The following SNAP25 variants were observed in gnomAD, a reference collection of about 807,000 sequenced individuals.
SNAP25 encodes the protein synaptosome associated protein 25.
SNAP25 carries 3 observed loss-of-function variants against 28.7 expected under a neutral mutation model. The observed-to-expected ratio is 0.10, with a 90% CI of 0.05 to 0.27. SNAP25 has a LOEUF of 0.27. SNAP25 is among the 10% of genes least tolerant of loss of function. SNAP25 has a pLI of 1.00. For synonymous variants in SNAP25, 61 were observed against 88.1 expected, an observed-to-expected ratio of 0.69 and a Z score of 1.72; for missense variants, 117 against 278.7, an observed-to-expected ratio of 0.42 and a Z score of 4.13.
intron 1 of SNAP25, among the ~76,000 whole-genome samples, chr20:10,260,255 G>A (rs548871259): frequency 1.3e-5 from 2 of 152,172 alleles, no homozygotes; most frequent in Non-Finnish European, 1.5e-5. Flanking sequence ...TATATTTAAG[G>A]AAAACAAGCC....
intron 1 of SNAP25, among the ~76,000 whole-genome samples, chr20:10,228,859 A>G (rs571243425): frequency 1.3e-5 from 2 of 152,116 alleles, no homozygotes; most frequent in African/African-American, 4.8e-5. Flanking sequence ...TTTCCTCTTT[A>G]TTGTTGTGTT....
chr20:10,289,228 G>A (rs984880329), intron 4 of SNAP25, among the ~76,000 whole-genome samples: 7 of 152,142 alleles, frequency 4.6e-5, no homozygotes, highest in South Asian at 2.1e-4. Flanking sequence ...ACCTGGAAAC[G>A]TACTGAGCCC....
Position 10,259,323 on chromosome 20 carries a change from G to A in SNAP25, c.-63-16106G>A, listed in dbSNP as rs2063371674. Among the ~76,000 whole-genome samples the A allele has an allele frequency of 2.6e-5, 4 of 152,340 alleles. No individual in the cohort carries two copies. In the Middle Eastern group the frequency reaches 0.01, roughly 389 times the overall value. Reference sequence around the variant, plus strand: ...TGAGTCAGCTCCTTCCTGGGAGTTTGCTGGCTTAGGAAATGTCTTTCTTGT... The same window carrying A: ...TGAGTCAGCTCCTTCCTGGGAGTTTACTGGCTTAGGAAATGTCTTTCTTGT... On this transcript the variant is annotated intron_variant, in intron 1 of 7. Transcript: ENST00000254976.
intron 7 of SNAP25, among the ~76,000 whole-genome samples, chr20:10,305,051 T>G (rs980920943): frequency 2.0e-5 from 3 of 152,214 alleles, no homozygotes; most frequent in African/African-American, 7.2e-5. Context: ...GTCTCATCAA[T>G]TTTAACTTTT....
At chr20:10,295,235 T>C (rs1016586428) in intron 5 of SNAP25, among the ~76,000 whole-genome samples, 1 of 152,256 alleles carries the variant, frequency 6.6e-6, no homozygotes, top group Non-Finnish European at 1.5e-5. Flanking sequence ...TGTGAGTCTA[T>C]GTGCAGCATT....
chr20:10,303,278 G>A (rs2064282661), intron 7 of SNAP25, among the ~76,000 whole-genome samples: 1 of 152,104 alleles, frequency 6.6e-6, no homozygotes, highest in Non-Finnish European at 1.5e-5. Flanking sequence ...TGAGAAACCT[G>A]AGGTCAAAAA....
intron 1 of SNAP25, among the ~76,000 whole-genome samples, chr20:10,266,464 A>G (rs1381381345): frequency 1.3e-5 from 2 of 152,184 alleles, no homozygotes; most frequent in Admixed American, 6.5e-5. Context: ...AAACCCAGAG[A>G]AAAAAAGGTG....
chr20:10,223,025 G>C (rs890346671), intron 1 of SNAP25, among the ~76,000 whole-genome samples: 1 of 152,130 alleles, frequency 6.6e-6, no homozygotes, highest in Non-Finnish European at 1.5e-5. Flanking sequence ...TGAATATTCA[G>C]CATTGTCAAG....
intron 1 of SNAP25, among the ~76,000 whole-genome samples, chr20:10,236,659 A>C (rs1310863492): frequency 1.3e-5 from 2 of 152,036 alleles, no homozygotes; most frequent in African/African-American, 4.8e-5. Context: ...ATGGAAAAAA[A>C]CTCTGAAGGC....
chr20:10,288,281 G>C (rs958667815), intron 4 of SNAP25, among the ~76,000 whole-genome samples: 39 of 152,008 alleles, frequency 2.6e-4, no homozygotes, highest in Non-Finnish European at 7.4e-5. Flanking sequence ...TGGAAAAAGA[G>C]ACATTACAAT....
At chr20:10,302,873 A>G (rs1318614729) in intron 7 of SNAP25, among the ~76,000 whole-genome samples, 3 of 151,730 alleles carry the variant, frequency 2.0e-5, no homozygotes, top group Non-Finnish European at 4.4e-5. Context: ...GAATTTTCAT[A>G]TGCTTCAGAA....
intron 1 of SNAP25, among the ~76,000 whole-genome samples, chr20:10,246,802 T>C (rs1432955304): frequency 6.6e-6 from 1 of 152,196 alleles, no homozygotes; most frequent in East Asian, 1.9e-4. Flanking sequence ...GGTACAATAT[T>C]CCTGTTAGGG....
At chr20:10,256,334 G>C (rs2063318192) in intron 1 of SNAP25, among the ~76,000 whole-genome samples, 1 of 152,050 alleles carries the variant, frequency 6.6e-6, no homozygotes, top group Non-Finnish European at 1.5e-5. Context: ...GAGAAAGAAT[G>C]AATTATTCAA....
At chr20:10,291,693 G>C (rs2064001664) in intron 4 of SNAP25, among the ~76,000 whole-genome samples, 3 of 152,142 alleles carry the variant, frequency 2.0e-5, no homozygotes. Context: ...GTGAAATTGT[G>C]TTTAAGTGAT....
At chr20:10,300,631 A>G (rs1344388489) in intron 7 of SNAP25, among the ~76,000 whole-genome samples, 1 of 152,210 alleles carries the variant, frequency 6.6e-6, no homozygotes, top group Non-Finnish European at 1.5e-5. Context: ...GACTTGAAAA[A>G]GGAGTAAGTA....
rs541275617 is a variant in SNAP25 at position 10,286,563 on chromosome 20, C to T, written c.163+1791C>T. On this transcript the variant is annotated intron_variant, in intron 4 of 7. Transcript: ENST00000254976. ...AGCACTAGTAGCCCATTGTGCTCAG[C>T]CATTGGCTTGAAGCATCCCAGGAAG... 9.3e-4 allele frequency among the ~76,000 whole-genome samples: 142 copies of T among 152,248 alleles called. 1 individual carries two copies. The highest frequency in any genetic ancestry group is 2.6e-3 in the African/African-American group (109 of 41,532).
chr20:10,287,132 G>A (rs1034163865), intron 4 of SNAP25, among the ~76,000 whole-genome samples: 1 of 152,036 alleles, frequency 6.6e-6, no homozygotes, highest in African/African-American at 2.4e-5. Flanking sequence ...CCAAAAGCAA[G>A]GCAACAAAAG....
At chr20:10,299,540 G>A (rs2064186743) in intron 7 of SNAP25, 128 bp downstream of exon 7, 1 of 952,814 alleles carries the variant, frequency 1.0e-6, no homozygotes, top group Non-Finnish European at 1.5e-6. Context: ...AGCTGGAAAT[G>A]TTCTTCATTT....
chr20:10,306,126 T>C lies in SNAP25; in HGVS notation c.553-3T>C. ...AGTTCTGTTTCTTTTCCCCCTTTTC[T>C]AGGCTGATTCCAACAAAACCAGAAT... is the stretch of plus-strand genomic sequence containing the variant. On this transcript the variant is annotated splice_region_variant and splice_polypyrimidine_tract_variant and intron_variant, in intron 7 of 7. Coordinates refer to ENST00000254976, the MANE Select transcript of SNAP25 (RefSeq NM_130811.4). 1 of 1,613,560 alleles carries C rather than the reference T, an allele frequency of 6.2e-7. No homozygotes were observed.
Sources: gnomAD v4.1 joint callset for allele counts (sites outside exome capture counted in the v4.1 genomes callset) on GRCh38, gnomAD v4.1.1 for gene constraint, MANE v1.5 for transcripts, NCBI Gene and HGNC (gene_info 2026-07-23, HGNC 2026-07-21) for gene names.